FHIT: variants seen among roughly 807,000 people sequenced by gnomAD.
FHIT encodes the protein bis(5'-adenosyl)-triphosphatase.
A neutral mutation model predicts 17.9 loss-of-function variants in FHIT; 19 were observed. The observed-to-expected ratio is 1.06, with a 90% CI of 0.74 to 1.56. The LOEUF (loss-of-function observed/expected upper bound fraction) is 1.56. Among genes scored for constraint, FHIT ranks in the 40% most tolerant of loss-of-function variants. The pLI, the probability that FHIT is intolerant of heterozygous loss-of-function variation, is 0.00. For synonymous variants in FHIT, 81 were observed against 69.7 expected (o/e 1.16, Z -0.81); for missense variants, 248 against 189.2 (o/e 1.31, Z -1.82).
At chr3:60,536,795 T>A in intron 5 of FHIT, 65 bp downstream of exon 5, 2 of 1,507,574 alleles carry the variant, frequency 1.3e-6, no homozygotes, top group South Asian at 2.7e-5. Context: ...GTATTTATAT[T>A]CATTTGGCTG....
At chr3:60,421,030 C>CTTT (rs33921357) in intron 5 of FHIT, among the ~76,000 whole-genome samples, 1 of 138,342 alleles carries the variant, frequency 7.2e-6, no homozygotes, top group Non-Finnish European at 1.6e-5. Context: ...TCTCCCACTA[C>CTTT]TTTTTTTTTT....
chr3:60,648,417 G>A (rs2039912718), intron 4 of FHIT, among the ~76,000 whole-genome samples: 1 of 152,116 alleles, frequency 6.6e-6, no homozygotes, highest in African/African-American at 2.4e-5. Flanking sequence ...AATGGTCTGG[G>A]CTTAAGAACA....
intron 5 of FHIT, among the ~76,000 whole-genome samples, chr3:60,507,731 G>T (rs188941764): frequency 6.6e-4 from 100 of 152,116 alleles, no homozygotes; most frequent in African/African-American, 2.3e-3. Context: ...ATGTCCTTGT[G>T]TTCTCATCAT....
intron 3 of FHIT, among the ~76,000 whole-genome samples, chr3:60,953,904 G>C (rs373296066): frequency 1.3e-5 from 2 of 151,864 alleles, no homozygotes; most frequent in Non-Finnish European, 2.9e-5. Flanking sequence ...ATTTGGCTCA[G>C]TTTAAACTCT....
At chr3:60,703,664 C>A (rs1438717488) in intron 4 of FHIT, among the ~76,000 whole-genome samples, 2 of 152,120 alleles carry the variant, frequency 1.3e-5, no homozygotes, top group South Asian at 2.1e-4. Context: ...TAGATTTGTA[C>A]AGTTGAGCCC....
At chr3:59,763,302 T>C (rs186812317) in intron 8 of FHIT, among the ~76,000 whole-genome samples, 124 of 152,332 alleles carry the variant, frequency 8.1e-4, no homozygotes, top group African/African-American at 2.8e-3. Flanking sequence ...AAATCTGCAC[T>C]ACAAGATGCT....
intron 3 of FHIT, among the ~76,000 whole-genome samples, chr3:60,901,955 C>A (rs1335238222): frequency 6.6e-6 from 1 of 151,850 alleles, no homozygotes; most frequent in Non-Finnish European, 1.5e-5. Context: ...TTTTTTGTAC[C>A]TCCTCAGTAT....
At chr3:59,809,298 G>T (rs1178737976) in intron 8 of FHIT, among the ~76,000 whole-genome samples, 1 of 152,214 alleles carries the variant, frequency 6.6e-6, no homozygotes, top group Admixed American at 6.5e-5. Flanking sequence ...AGAAGGCCAT[G>T]TGAAGACAAA....
At chr3:60,658,927 A>G (rs1346024920) in intron 4 of FHIT, among the ~76,000 whole-genome samples, 2 of 151,410 alleles carry the variant, frequency 1.3e-5, no homozygotes, top group East Asian at 1.9e-4. Context: ...AGCATTTCTT[A>G]CAGAGCATGT....
At chr3:60,475,674 T>G (rs966845316) in intron 5 of FHIT, among the ~76,000 whole-genome samples, 1 of 152,110 alleles carries the variant, frequency 6.6e-6, no homozygotes, top group African/African-American at 2.4e-5. Context: ...TGCTCAAACC[T>G]CACGTTTCTT....
intron 3 of FHIT, among the ~76,000 whole-genome samples, chr3:60,980,755 G>C (rs1015792891): frequency 6.6e-6 from 1 of 152,118 alleles, no homozygotes; most frequent in Non-Finnish European, 1.5e-5. Flanking sequence ...ATAAACTGTA[G>C]CCACCTGGTA....
chr3:61,129,372 C>G (rs1464891806), intron 2 of FHIT, among the ~76,000 whole-genome samples: 1 of 152,114 alleles, frequency 6.6e-6, no homozygotes, highest in African/African-American at 2.4e-5. Flanking sequence ...TTCTGTGCAA[C>G]CTGAAATAAG....
chr3:60,130,994 CATATATACAT>C (rs1297929911), intron 5 of FHIT, among the ~76,000 whole-genome samples: 2 of 106,610 alleles, frequency 1.9e-5, no homozygotes, highest in African/African-American at 8.8e-5. Flanking sequence ...CATATATACA[CATATATACAT>C]ATGTGTATAT....
intron 5 of FHIT, among the ~76,000 whole-genome samples, chr3:60,122,970 G>A (rs1052327473): frequency 6.6e-6 from 1 of 152,212 alleles, no homozygotes; most frequent in African/African-American, 2.4e-5. Context: ...GCTGAGCACA[G>A]AGCAATCCTA....
intron 5 of FHIT, among the ~76,000 whole-genome samples, chr3:60,189,430 C>T (rs1040532894): frequency 1.3e-5 from 2 of 152,152 alleles, no homozygotes; most frequent in African/African-American, 4.8e-5. Flanking sequence ...TTCCCACAAT[C>T]AATCATTCAG....
At chr3:60,515,216 A>G (rs1477359331) in intron 5 of FHIT, among the ~76,000 whole-genome samples, 2 of 152,144 alleles carry the variant, frequency 1.3e-5, no homozygotes, top group African/African-American at 4.8e-5. Flanking sequence ...AAGAAAACCA[A>G]CTGTAGGCCT....
chr3:59,972,245 T>C (rs1247545015), intron 7 of FHIT, among the ~76,000 whole-genome samples: 1 of 152,064 alleles, frequency 6.6e-6, no homozygotes, highest in Non-Finnish European at 1.5e-5. Flanking sequence ...TGATGGAATA[T>C]TCAAGAGGCT....
rs188626975 is a variant in FHIT, at chr3:60,523,510, T to G, written c.103+13350A>C. ...AGGGATCATCAGAAAGAAATAGAGA[T>G]CTACAAAAGGGCATGTTATGTAAGG... On this transcript the variant is annotated intron_variant, in intron 5 of 9. Coordinates refer to ENST00000492590, the MANE Select transcript of FHIT (RefSeq NM_002012.4). Among the ~76,000 whole-genome samples, 97 of 152,222 alleles carry G rather than the reference T, an allele frequency of 6.4e-4. 1 individual carries two copies. The highest frequency in any genetic ancestry group is 1.0e-3 in the Non-Finnish European group (68 of 68,022).
At chr3:59,852,515 C>G (rs1328450243) in intron 8 of FHIT, among the ~76,000 whole-genome samples, 1 of 152,076 alleles carries the variant, frequency 6.6e-6, no homozygotes, top group Non-Finnish European at 1.5e-5. Context: ...ATTTGTGAAC[C>G]TACAAGGACA....
Sources: gnomAD v4.1 joint callset for allele counts (sites outside exome capture counted in the v4.1 genomes callset) on GRCh38, gnomAD v4.1.1 for gene constraint, MANE v1.5 for transcripts, NCBI Gene and HGNC (gene_info 2026-07-23, HGNC 2026-07-21) for gene names.